SLC38A4: variants seen among roughly 807,000 people sequenced by gnomAD.
The protein encoded by SLC38A4 is sodium-coupled neutral amino acid transporter 4.
In SLC38A4, 20 loss-of-function variants were observed where a neutral mutation model predicts 63.1. The ratio of observed to expected loss-of-function variants is 0.32; its 90% CI spans 0.22 to 0.46. SLC38A4 has a LOEUF of 0.46. SLC38A4 is among the 20% of genes least tolerant of loss of function. The pLI is 1.00. For synonymous variants in SLC38A4, 230 were observed against 225.5 expected (o/e 1.02, Z -0.18); for missense variants, 526 against 663.6 (o/e 0.79, Z 2.28).
At chr12:46,781,570 A>G (rs983011117) in intron 7 of SLC38A4, among the ~76,000 whole-genome samples, 3 of 152,066 alleles carry the variant, frequency 2.0e-5, no homozygotes, top group Non-Finnish European at 2.9e-5. Context: ...GAGAAAATTA[A>G]GTGTTCTAAA....
At chr12:46,780,440 A>G (rs1938615611) in intron 7 of SLC38A4, among the ~76,000 whole-genome samples, 1 of 152,022 alleles carries the variant, frequency 6.6e-6, no homozygotes, top group South Asian at 2.1e-4. Context: ...TGCAGAGTCA[A>G]TATATCCCCT....
intron 14 of SLC38A4, among the ~76,000 whole-genome samples, chr12:46,771,085 T>C (rs1239723228): frequency 1.3e-5 from 2 of 152,136 alleles, no homozygotes; most frequent in African/African-American, 4.8e-5. Flanking sequence ...AGAATAACTT[T>C]GTAAAGGATT....
chr12:46,788,093 A>G, intron 4 of SLC38A4, 62 bp from the exon 5 acceptor site: 1 of 1,234,802 alleles, frequency 8.1e-7, no homozygotes, highest in South Asian at 1.3e-5. Context: ...TTTAGGGGTT[A>G]TCCTTATTCT....
rs768840124 is a variant in SLC38A4 at position 46,778,715 on chromosome 12, T to C, written c.779A>G (p.Asn260Ser). ...PLPVLDHSVGNLSFNNTLPMH... is the reference protein window; with the variant it reads ...PLPVLDHSVGSLSFNNTLPMH... ...TGGAAGCGTGTTGTTGAATGACAGA[T>C]TTCCAACACTGTGATCCAAAACAGG... is the stretch of plus-strand genomic sequence containing the variant. The change falls in exon 11 of 17, where the codon AAT (asparagine) becomes AGT (serine). Residue 260 changes from asparagine (N) to serine (S), a missense_variant. Transcript: ENST00000266579. 17 of 1,612,716 alleles carry C rather than the reference T, an allele frequency of 1.1e-5. No individual in the cohort carries two copies. The highest frequency in any genetic ancestry group is 1.4e-5 in the Non-Finnish European group (17 of 1,179,260).
intron 14 of SLC38A4, 85 bp from the exon 15 acceptor site, chr12:46,769,513 ATT>A (rs1259702653): frequency 4.3e-6 from 6 of 1,391,692 alleles, no homozygotes; most frequent in African/African-American, 1.4e-5. Flanking sequence ...ACTCTAATGC[ATT>A]TTCTTTCCTT....
rs1431270660 is a variant in SLC38A4, at chr12:46,777,010, A to AAAAG, written c.1074-10_1074-7dup. Reference sequence around the variant, plus strand: ...GCATTTTTCTCCGGGACCGACTGGAAAAAGAAAGAACACCAAGCTTTGTTT... The same window carrying AAAAG: ...GCATTTTTCTCCGGGACCGACTGGAAAAAGAAAGAAAGAACACCAAGCTTTGTTT... On this transcript the variant is annotated splice_region_variant and splice_polypyrimidine_tract_variant and intron_variant, in intron 12 of 16. Coordinates refer to ENST00000266579, the MANE Select transcript of SLC38A4 (RefSeq NM_018018.5). 2.5e-6 allele frequency: 4 copies of AAAAG among 1,606,292 alleles called. No individual in the cohort carries two copies. In the African/African-American group the frequency reaches 5.4e-5, roughly 22 times the overall value.
In SLC38A4 at chr12:46,778,538, T is replaced by C; in HGVS notation, c.956A>G (p.Asp319Gly). 6.2e-7 allele frequency: 1 copy of C among 1,612,818 alleles called. No homozygotes were observed. The highest frequency in any genetic ancestry group is 8.5e-7 in the Non-Finnish European group (1 of 1,179,210). The change falls in exon 11 of 17, where the codon GAC (aspartate) becomes GGC (glycine). Residue 319 changes from aspartate to glycine, a missense_variant. By Grantham distance (94) the Asp-to-Gly change is moderately conservative. Coordinates refer to ENST00000266579, the MANE Select transcript of SLC38A4 (RefSeq NM_018018.5). ...TACAAAGTATTTGGGTTCACACTTGTCATCACTATGAGCTTCATATTCTAC... is the reference window on the plus strand; with the variant it reads ...TACAAAGTATTTGGGTTCACACTTGCCATCACTATGAGCTTCATATTCTAC... The part of the protein sequence containing the change: ...SGVEYEAHSD[D>G]KCEPKYFVFN...
intron 4 of SLC38A4, 68 bp downstream of exon 4, chr12:46,788,460 C>A: frequency 7.9e-7 from 1 of 1,271,272 alleles, no homozygotes; most frequent in East Asian, 2.3e-5. Flanking sequence ...CATTGTTTTC[C>A]CACAGAGACC....
intron 1 of SLC38A4, among the ~76,000 whole-genome samples, chr12:46,813,918 T>C (rs1939386279): frequency 1.3e-5 from 2 of 152,038 alleles, no homozygotes; most frequent in South Asian, 4.1e-4. Context: ...TTGTTATACA[T>C]GCATATTTAA....
chr12:46,817,017 G>A (rs1187700655), intron 1 of SLC38A4, among the ~76,000 whole-genome samples: 3 of 151,170 alleles, frequency 2.0e-5, no homozygotes, highest in African/African-American at 7.3e-5. Flanking sequence ...AAAATTTCAG[G>A]TAGAGTAGCT....
At chr12:46,808,899 G>A (rs575981586) in intron 1 of SLC38A4, among the ~76,000 whole-genome samples, 6 of 151,980 alleles carry the variant, frequency 3.9e-5, no homozygotes, top group Non-Finnish European at 7.4e-5. Context: ...CCTTGTTAAC[G>A]TAAGTTCTTC....
chr12:46,823,897 A>G (rs1242493494), intron 1 of SLC38A4, among the ~76,000 whole-genome samples: 1 of 152,204 alleles, frequency 6.6e-6, no homozygotes, highest in African/African-American at 2.4e-5. Flanking sequence ...GTGAGCATGC[A>G]GATAAAGAAT....
intron 5 of SLC38A4, among the ~76,000 whole-genome samples, chr12:46,787,317 TA>T (rs1490426134): frequency 6.6e-6 from 1 of 152,140 alleles, no homozygotes; most frequent in East Asian, 1.9e-4. Flanking sequence ...CAAATGGCAC[TA>T]AAACATTAAA....
In SLC38A4 at chr12:46,821,443, G is replaced by A. The variant is rs186125919; in HGVS notation, c.-305+4460C>T. On this transcript the variant is annotated intron_variant, in intron 1 of 16. Transcript: ENST00000266579. Reference sequence around the variant, plus strand: ...TGTTTTCCCTATTGTGTGTTCTTGGGACCCTTGTTGAAGATCAGTTGGCCA... The same window carrying A: ...TGTTTTCCCTATTGTGTGTTCTTGGAACCCTTGTTGAAGATCAGTTGGCCA... Among the ~76,000 whole-genome samples the A allele has an allele frequency of 1.1e-4, 16 of 151,962 alleles. No individual in the cohort carries two copies. In the East Asian group the frequency reaches 3.1e-3, roughly 29 times the overall value.
chr12:46,800,128 C>T (rs1368309151), intron 2 of SLC38A4, among the ~76,000 whole-genome samples: 1 of 152,090 alleles, frequency 6.6e-6, no homozygotes, highest in South Asian at 2.1e-4. Flanking sequence ...ATTCACCCAA[C>T]CACTCACTGG....
chr12:46,808,960 A>C (rs1236390764), intron 1 of SLC38A4, among the ~76,000 whole-genome samples: 1 of 152,066 alleles, frequency 6.6e-6, no homozygotes, highest in Admixed American at 6.6e-5. Context: ...TCTCTAGTTC[A>C]TAGCAATTGA....
In SLC38A4 at chr12:46,776,975, G is replaced by T; in HGVS notation, c.1103C>A (p.Ser368Ter). ...AAGCATCCCCGTGATGGAAATATTT[G>T]ACACCGTTTGCATTTTTCTCCGGGA... ...DRSRRKMQTVSNISITGMLVM... is the reference protein window; with the variant it reads ...DRSRRKMQTV The change falls in exon 13 of 17, where the codon TCA becomes TAA. Residue 368 changes from serine (S) to a stop codon, truncating the protein, a stop_gained. Coordinates refer to ENST00000266579, the MANE Select transcript of SLC38A4 (RefSeq NM_018018.5). LOFTEE classifies it high-confidence loss of function. 1 of 1,611,802 alleles carries T rather than the reference G, an allele frequency of 6.2e-7. No individual in the cohort carries two copies. The highest frequency in any genetic ancestry group is 8.5e-7 in the Non-Finnish European group (1 of 1,178,626).
upstream of SLC38A4, among the ~76,000 whole-genome samples, chr12:46,829,347 A>C (rs866598448): frequency 1.2e-4 from 19 of 152,246 alleles, no homozygotes; most frequent in South Asian, 6.2e-4. Flanking sequence ...ATTTTTTAAA[A>C]CTGTGTAATC....
At chr12:46,804,682 T>A (rs1939196012) in intron 1 of SLC38A4, among the ~76,000 whole-genome samples, 1 of 152,064 alleles carries the variant, frequency 6.6e-6, no homozygotes, top group South Asian at 2.1e-4. Flanking sequence ...GTTAACAATT[T>A]TTTTTCCTTT....
Sources: gnomAD v4.1 joint callset for allele counts (sites outside exome capture counted in the v4.1 genomes callset) on GRCh38, gnomAD v4.1.1 for gene constraint, MANE v1.5 for transcripts, NCBI Gene and HGNC (gene_info 2026-07-23, HGNC 2026-07-21) for gene names.